Variants in FAM227B observed in about 807,000 individuals in gnomAD.
The protein encoded by FAM227B is family with sequence similarity 227 member B.
FAM227B carries 88 observed loss-of-function variants against 73.8 expected under a neutral mutation model. The observed-to-expected ratio is 1.19, with a 90% confidence interval of 1.00 to 1.42. The LOEUF is 1.42. FAM227B is among the 40% of genes most tolerant of loss of function. FAM227B has a pLI of 0.00. For synonymous variants in FAM227B, 210 were observed against 190.5 expected, an observed-to-expected ratio of 1.10 and a Z score of -0.84; for missense variants, 632 against 590.9, an observed-to-expected ratio of 1.07 and a Z score of -0.72.
chr15:49,577,137 A>G (rs2075501289), intron 6 of FAM227B: 1 of 280,610 alleles, frequency 3.6e-6, no homozygotes, highest in Non-Finnish European at 6.9e-6. Context: ...TTTCTATTAA[A>G]AATACAAAAA....
At chr15:49,541,605 G>T in intron 10 of FAM227B, 75 bp downstream of exon 10, 17 of 1,255,264 alleles carry the variant, frequency 1.4e-5, no homozygotes, top group Non-Finnish European at 1.8e-5. Context: ...TTTTTGGATG[G>T]AATAAATAAA....
intron 1 of FAM227B, chr15:49,620,497 C>T (rs2078633903): frequency 1.3e-5 from 2 of 152,192 alleles, no homozygotes; most frequent in Admixed American, 1.3e-4. Context: ...GTACTCTTAA[C>T]TCTATATGCG....
At chr15:49,513,155 T>G (rs1017257544) in intron 10 of FAM227B, among the ~76,000 whole-genome samples, 1 of 152,202 alleles carries the variant, frequency 6.6e-6, no homozygotes, top group African/African-American at 2.4e-5. Context: ...GTATTTCTGA[T>G]TCTAGATCCT....
Position 49,589,934 on chromosome 15 carries a change from T to G in FAM227B, c.179A>C (p.Asp60Ala), listed in dbSNP as rs200235351. Residue 60 changes from aspartate to alanine, a missense_variant, in exon 4 of 16, where the codon GAT becomes GCT. Asp to Ala is a moderately radical substitution (Grantham distance 126). Transcript: ENST00000299338. ...TGTATAAATTGAAACAAATGAACTA[T>G]CTTCTTTTATTTTTTTCAGAGTGCA... ...WSCTLKKIKE[D>A]SSFVSIYTHL... 3.7e-5 allele frequency: 60 copies of G among 1,604,800 alleles called. No homozygotes were observed. The highest frequency in any genetic ancestry group is 1.2e-5 in the Non-Finnish European group (14 of 1,171,716).
At chr15:49,391,932 T>C (rs1567197946) in intron 11 of FAM227B, among the ~76,000 whole-genome samples, 1 of 152,112 alleles carries the variant, frequency 6.6e-6, no homozygotes, top group Admixed American at 6.6e-5. Context: ...AATGCCCTCC[T>C]TACTCTTACT....
intron 13 of FAM227B, among the ~76,000 whole-genome samples, chr15:49,361,893 C>T (rs1174487276): frequency 1.3e-5 from 2 of 152,102 alleles, no homozygotes; most frequent in South Asian, 2.1e-4. Flanking sequence ...TTCTCTGCAA[C>T]CTCTCCAGAA....
Position 49,589,775 on chromosome 15 carries a change from C to T in FAM227B, c.337+1G>A, listed in dbSNP as rs1240368356. The T allele has an allele frequency of 3.3e-6, 5 of 1,537,300 alleles. No homozygotes were observed. The Admixed American group carries it at 5.1e-5, about 16-fold the overall frequency. On this transcript the variant is annotated splice_donor_variant, in intron 4 of 15. Transcript: ENST00000299338. LOFTEE classifies it high-confidence loss of function. ...AAAAGATAAAAATAAATAAGGCTCA[C>T]TTGTCTCAGAAATCATGCTTTTCCA... is the stretch of plus-strand genomic sequence containing the variant.
intron 1 of FAM227B, among the ~76,000 whole-genome samples, chr15:49,617,776 T>TTG (rs67917912): frequency 0.25 from 36,567 of 148,016 alleles, 5,319 homozygotes; most frequent in Non-Finnish European, 0.32. Flanking sequence ...CTTTCATGTT[T>TTG]TGTGTGTGTG....
intron 11 of FAM227B, among the ~76,000 whole-genome samples, chr15:49,448,781 G>A (rs796985207): frequency 1.7e-4 from 26 of 151,846 alleles, no homozygotes; most frequent in African/African-American, 5.5e-4. Flanking sequence ...ATACCCAGTA[G>A]TCTAAGCAAC....
chr15:49,421,917 C>G (rs1045421018), intron 11 of FAM227B, among the ~76,000 whole-genome samples: 3 of 152,180 alleles, frequency 2.0e-5, no homozygotes, highest in Admixed American at 1.3e-4. Context: ...TCCCCCTCTG[C>G]TTTAATAAAT....
At chr15:49,545,650 C>G (rs2071731418) in intron 9 of FAM227B, among the ~76,000 whole-genome samples, 1 of 152,086 alleles carries the variant, frequency 6.6e-6, no homozygotes, top group Non-Finnish European at 1.5e-5. Flanking sequence ...TTCCTCTTAG[C>G]ATGGCTTTTG....
chr15:49,436,097 T>C (rs1383648156), intron 11 of FAM227B, among the ~76,000 whole-genome samples: 7 of 151,574 alleles, frequency 4.6e-5, no homozygotes, highest in Admixed American at 4.6e-4. Flanking sequence ...GCCAGCTTAA[T>C]AAGTTTGCTG....
intron 11 of FAM227B, among the ~76,000 whole-genome samples, chr15:49,406,756 C>T (rs908171903): frequency 6.6e-6 from 1 of 152,028 alleles, no homozygotes; most frequent in South Asian, 2.1e-4. Flanking sequence ...AAGCAAAACC[C>T]ACCCATACGC....
intron 13 of FAM227B, among the ~76,000 whole-genome samples, chr15:49,344,548 G>A (rs963221441): frequency 4.6e-5 from 7 of 152,130 alleles, no homozygotes; most frequent in Admixed American, 2.6e-4. Context: ...AGAGCCTAGC[G>A]AGGGAGGACT....
At chr15:49,335,701 C>T (rs1439935147) in intron 13 of FAM227B, among the ~76,000 whole-genome samples, 2 of 152,174 alleles carry the variant, frequency 1.3e-5, no homozygotes, top group Non-Finnish European at 2.9e-5. Flanking sequence ...GTCCCATTAT[C>T]TCAACCACAG....
intron 11 of FAM227B, among the ~76,000 whole-genome samples, chr15:49,449,270 G>A (rs1473071116): frequency 6.6e-6 from 1 of 151,964 alleles, no homozygotes; most frequent in East Asian, 1.9e-4. Flanking sequence ...ATGGAATAAA[G>A]CAATCATGAA....
intron 5 of FAM227B, 93 bp downstream of exon 5, chr15:49,587,923 A>G (rs975203748): frequency 1.1e-5 from 12 of 1,138,394 alleles, no homozygotes; most frequent in Non-Finnish European, 1.3e-5. Context: ...GACATTTACA[A>G]AAGTGTTATT....
intron 9 of FAM227B, among the ~76,000 whole-genome samples, chr15:49,545,470 G>C (rs2071700661): frequency 6.6e-6 from 1 of 151,910 alleles, no homozygotes; most frequent in South Asian, 2.1e-4. Flanking sequence ...GTCTTTTATA[G>C]TTTTTTGTTT....
intron 13 of FAM227B, among the ~76,000 whole-genome samples, chr15:49,364,953 G>C (rs1567159011): frequency 6.6e-6 from 1 of 151,874 alleles, no homozygotes; most frequent in Non-Finnish European, 1.5e-5. Context: ...AACATTAAAA[G>C]CAAAGCATTT....
Sources: gnomAD v4.1 joint callset for allele counts (sites outside exome capture counted in the v4.1 genomes callset) on GRCh38, gnomAD v4.1.1 for gene constraint, MANE v1.5 for transcripts, NCBI Gene and HGNC (gene_info 2026-07-23, HGNC 2026-07-21) for gene names.